POLR3E: variants seen among roughly 807,000 people sequenced by gnomAD.
The protein encoded by POLR3E is RNA polymerase III subunit E.
Under a neutral mutation model 96.6 loss-of-function variants are expected in POLR3E, and 41 were observed. That is an observed-to-expected ratio of 0.42 (90% CI 0.33 to 0.55). POLR3E has a LOEUF of 0.55. POLR3E is among the 20% of genes least tolerant of loss of function. POLR3E has a pLI of 0.06. For synonymous variants in POLR3E, 396 were observed against 383.6 expected, an observed-to-expected ratio of 1.03 and a Z score of -0.38; for missense variants, 849 against 952.1, an observed-to-expected ratio of 0.89 and a Z score of 1.43.
At chr16:22,315,881 G>A (rs2048344917) in intron 9 of POLR3E, among the ~76,000 whole-genome samples, 1 of 152,042 alleles carries the variant, frequency 6.6e-6, no homozygotes. Context: ...TGGCCAGGCT[G>A]GTCTCGAACT....
chr16:22,314,463 C>G (rs2048313710), intron 8 of POLR3E, among the ~76,000 whole-genome samples: 2 of 152,158 alleles, frequency 1.3e-5, no homozygotes, highest in African/African-American at 2.4e-5. Context: ...ATTCTATCCT[C>G]TTTATGGGGC....
chr16:22,302,394 G>T (rs766621274), intron 1 of POLR3E: 1 of 156,804 alleles, frequency 6.4e-6, no homozygotes, highest in African/African-American at 2.4e-5. Context: ...TTGAATACAG[G>T]ACAGAAGAGT....
In POLR3E at chr16:22,305,217, G is replaced by A; in HGVS notation, c.87+11G>A. On this transcript the variant is annotated intron_variant, in intron 3 of 20. Transcript: ENST00000299853. ...CTGTATCTATTTCAGGTAATTATGG[G>A]ACTTGAAGGTAAAGAGGGGAGAAGC... is the stretch of plus-strand genomic sequence containing the variant. The A allele has an allele frequency of 3.1e-6, 5 of 1,598,414 alleles. No homozygotes were observed. Among genetic ancestry groups the A allele is most frequent in the Non-Finnish European group, 4.3e-6 (5 of 1,165,900 alleles).
intron 9 of POLR3E, among the ~76,000 whole-genome samples, chr16:22,315,731 G>A (rs544541708): frequency 6.6e-6 from 1 of 152,104 alleles, no homozygotes; most frequent in African/African-American, 2.4e-5. Context: ...GAGTGCAGTG[G>A]CTCGATCTCA....
chr16:22,308,236 C>T lies in POLR3E; in HGVS notation c.165+11C>T, dbSNP rs2048175150. On this transcript the variant is annotated intron_variant, in intron 4 of 20. Coordinates refer to ENST00000299853, the MANE Select transcript of POLR3E (RefSeq NM_018119.4). Reference sequence around the variant, plus strand: ...CCCAAGCAGCAGAAGGTGGGGCTGCCCCCTGAGGGCAGTTGGGGCCGAAAG... The same window carrying T: ...CCCAAGCAGCAGAAGGTGGGGCTGCTCCCTGAGGGCAGTTGGGGCCGAAAG... 6.2e-7 allele frequency: 1 copy of T among 1,606,068 alleles called. No individual in the cohort carries two copies. Among genetic ancestry groups the T allele is most frequent in the Non-Finnish European group, 8.5e-7 (1 of 1,172,826 alleles).
At chr16:22,319,741 A>T (rs1457878197) in intron 13 of POLR3E, among the ~76,000 whole-genome samples, 1 of 152,158 alleles carries the variant, frequency 6.6e-6, no homozygotes, top group African/African-American at 2.4e-5. Context: ...GTACATATTT[A>T]TGGGGGCAGT....
intron 19 of POLR3E, among the ~76,000 whole-genome samples, chr16:22,331,201 A>G (rs1050015474): frequency 2.0e-5 from 3 of 151,268 alleles, no homozygotes; most frequent in South Asian, 2.1e-4. Flanking sequence ...CTGGTCTCGA[A>G]CTCCTGACCT....
intron 19 of POLR3E, among the ~76,000 whole-genome samples, chr16:22,330,872 A>C (rs780078923): frequency 1.3e-5 from 2 of 152,204 alleles, no homozygotes; most frequent in Non-Finnish European, 2.9e-5. Context: ...AGATGCAAAC[A>C]AAACCAGCTA....
chr16:22,316,650 G>A lies in POLR3E; in HGVS notation c.692G>A (p.Ser231Asn). Residue 231 changes from serine to asparagine, a missense_variant, in exon 10 of 21, where the codon AGC becomes AAC. Transcript: ENST00000299853. ...CAGTACCTGCTGTGCCCCGGCTCAA[G>A]CGGGGTGGAGAACACGGAGCTCGTC... is the stretch of plus-strand genomic sequence containing the variant. Reference protein sequence around the residue: ...ERQYLLCPGSSGVENTELVKS... With the variant: ...ERQYLLCPGSNGVENTELVKS... 1.2e-6 allele frequency: 2 copies of A among 1,614,098 alleles called. No individual in the cohort carries two copies. The highest frequency in any genetic ancestry group is 1.7e-6 in the Non-Finnish European group (2 of 1,179,962).
At chr16:22,323,451 G>A (rs1339922562) in intron 14 of POLR3E, among the ~76,000 whole-genome samples, 1 of 152,052 alleles carries the variant, frequency 6.6e-6, no homozygotes, top group Non-Finnish European at 1.5e-5. Flanking sequence ...CCCAAGGCCT[G>A]GAACTCCATG....
intron 18 of POLR3E, 109 bp from the exon 19 acceptor site, chr16:22,328,401 G>T: frequency 1.1e-6 from 1 of 900,538 alleles, no homozygotes; most frequent in Non-Finnish European, 1.8e-6. Flanking sequence ...AGCTGGGATT[G>T]GAACCCATGT....
At chr16:22,305,747 C>T (rs1294155062) in intron 3 of POLR3E, among the ~76,000 whole-genome samples, 1 of 152,098 alleles carries the variant, frequency 6.6e-6, no homozygotes, top group African/African-American at 2.4e-5. Flanking sequence ...TACCTCTGCC[C>T]CCTCCCCTTG....
intron 2 of POLR3E, 72 bp from the exon 3 acceptor site, chr16:22,305,084 A>T: frequency 8.5e-7 from 1 of 1,181,496 alleles, no homozygotes. Context: ...TGAAGCTGGA[A>T]GCGCTGGCAT....
At chr16:22,328,754 T>C in intron 19 of POLR3E, 167 bp downstream of exon 19, 1 of 625,826 alleles carries the variant, frequency 1.6e-6, no homozygotes, top group South Asian at 1.8e-5. Context: ...CAAAATAAGC[T>C]GTATGTGCCA....
At chr16:22,324,434 C>T in intron 15 of POLR3E, 21 bp downstream of exon 15, 2 of 1,611,278 alleles carry the variant, frequency 1.2e-6, no homozygotes, top group Non-Finnish European at 1.7e-6. Flanking sequence ...TTTTTGTGGT[C>T]TGAGGCCCAG....
In POLR3E at chr16:22,328,916, G is replaced by A. The variant is rs2048671661; in HGVS notation, c.1944+329G>A. The A allele has an allele frequency of 2.9e-5, 9 of 312,402 alleles. No homozygotes were observed. In the Admixed American group the frequency reaches 3.8e-4, roughly 13 times the overall value. The allele number at this position is 312,402 out of a possible 1,614,324, so 19.4% of individuals were successfully genotyped here. ...CAAGGTGGGTGGATCACCTGAGGTT[G>A]GGAGTTTGACACCAGCCTGACCAAT... is the stretch of plus-strand genomic sequence containing the variant. On this transcript the variant is annotated intron_variant, in intron 19 of 20. Coordinates refer to ENST00000299853, the MANE Select transcript of POLR3E (RefSeq NM_018119.4).
chr16:22,328,629 G>C (rs763177932), intron 19 of POLR3E, 42 bp downstream of exon 19: 2 of 1,558,878 alleles, frequency 1.3e-6, no homozygotes, highest in Admixed American at 1.7e-5. Context: ...GAGCCAGGGG[G>C]GTTTCCTGCA....
chr16:22,301,537 C>T (rs749460246), intron 1 of POLR3E, among the ~76,000 whole-genome samples: 1 of 152,008 alleles, frequency 6.6e-6, no homozygotes, highest in Admixed American at 6.6e-5. Flanking sequence ...GTCAAAATCA[C>T]GGCAGAGCAC....
In POLR3E at chr16:22,302,896, G is replaced by T. The variant is rs1156515893; in HGVS notation, c.-38-35G>T. ...AGGCACAAGGAAATGTTGGTTGAAC[G>T]ACTGATGGTCCCAGTCTCTCGCCCT... On this transcript the variant is annotated intron_variant, in intron 1 of 20. Transcript: ENST00000299853. 1.5e-5 allele frequency: 21 copies of T among 1,412,554 alleles called. No individual in the cohort carries two copies. In the South Asian group the frequency reaches 2.2e-4, roughly 15 times the overall value. The allele number at this position is 1,412,554 out of a possible 1,614,324, so 87.5% of individuals were successfully genotyped here.
Sources: gnomAD v4.1 joint callset for allele counts (sites outside exome capture counted in the v4.1 genomes callset) on GRCh38, gnomAD v4.1.1 for gene constraint, MANE v1.5 for transcripts, NCBI Gene and HGNC (gene_info 2026-07-23, HGNC 2026-07-21) for gene names.